Variants in CSMD1 observed in about 807,000 individuals in gnomAD.
CSMD1 encodes CUB and sushi domain-containing protein 1.
CSMD1 carries 213 observed loss-of-function variants against 417.5 expected under a neutral mutation model. The observed-to-expected ratio is 0.51, with a 90% CI of 0.46 to 0.57. The LOEUF (loss-of-function observed/expected upper bound fraction) is 0.57, where lower values mean the gene tolerates loss of function less well. Among genes scored for constraint, CSMD1 ranks in the 20% least tolerant of loss-of-function variants. The pLI is 0.00. For synonymous variants in CSMD1, 2,862 were observed against 1,736.8 expected (o/e 1.65, Z -16.11); for missense variants, 6,923 against 4,529.7 (o/e 1.53, Z -15.17).
At chr8:4,106,051 T>C (rs951926943) in intron 3 of CSMD1, among the ~76,000 whole-genome samples, 1 of 152,184 alleles carries the variant, frequency 6.6e-6, no homozygotes, top group African/African-American at 2.4e-5. Context: ...GGCCAGATTT[T>C]AGGGGTGCCA....
intron 5 of CSMD1, among the ~76,000 whole-genome samples, chr8:3,899,946 T>G (rs1296641830): frequency 2.0e-5 from 3 of 152,230 alleles, no homozygotes; most frequent in Admixed American, 6.5e-5. Context: ...TTAATTCCCA[T>G]GGGAAGGGTA....
intron 1 of CSMD1, among the ~76,000 whole-genome samples, chr8:4,688,257 A>G (rs1254972281): frequency 6.6e-6 from 1 of 152,278 alleles, no homozygotes; most frequent in South Asian, 2.1e-4. Flanking sequence ...ACAAATTTCA[A>G]TATGTATATT....
At chr8:4,627,045 G>C (rs547292326) in intron 2 of CSMD1, among the ~76,000 whole-genome samples, 19 of 152,028 alleles carry the variant, frequency 1.2e-4, no homozygotes, top group Admixed American at 5.9e-4. Context: ...TTTAAATTTT[G>C]GGAATTAAAA....
chr8:3,940,968 A>G (rs150447934), intron 5 of CSMD1, among the ~76,000 whole-genome samples: 132 of 151,776 alleles, frequency 8.7e-4, no homozygotes, highest in African/African-American at 2.9e-3. Flanking sequence ...ATTGTCATTT[A>G]CTTTTCTACT....
At chr8:4,305,596 T>G (rs1291410568) in intron 3 of CSMD1, among the ~76,000 whole-genome samples, 1 of 152,146 alleles carries the variant, frequency 6.6e-6, no homozygotes, top group Non-Finnish European at 1.5e-5. Context: ...AAAATTAACC[T>G]TTCAATACAG....
intron 5 of CSMD1, among the ~76,000 whole-genome samples, chr8:3,811,617 C>A (rs1470729934): frequency 1.3e-5 from 2 of 152,104 alleles, no homozygotes; most frequent in African/African-American, 4.8e-5. Context: ...TCCTTCAGAA[C>A]CCAGGACCAG....
chr8:3,482,206 G>T (rs576917827), intron 11 of CSMD1, among the ~76,000 whole-genome samples: 10 of 152,092 alleles, frequency 6.6e-5, no homozygotes, highest in African/African-American at 2.4e-4. Context: ...AATATAAATG[G>T]TCTAGATATG....
chr8:3,878,714 C>A (rs1248102918), intron 5 of CSMD1, among the ~76,000 whole-genome samples: 1 of 152,184 alleles, frequency 6.6e-6, no homozygotes, highest in East Asian at 1.9e-4. Context: ...TTCAGTGAGA[C>A]ACTGTGTCAT....
At chr8:2,969,680 T>G (rs569433491) in intron 57 of CSMD1, among the ~76,000 whole-genome samples, 1 of 152,340 alleles carries the variant, frequency 6.6e-6, no homozygotes, top group Admixed American at 6.5e-5. Context: ...TTCCTGGAAA[T>G]GCAACCACTG....
intron 2 of CSMD1, among the ~76,000 whole-genome samples, chr8:4,430,427 C>A (rs530729450): frequency 1.1e-4 from 16 of 152,246 alleles, no homozygotes; most frequent in African/African-American, 3.4e-4. Flanking sequence ...TCTACCTTCT[C>A]CCGGGACCCT....
intron 1 of CSMD1, among the ~76,000 whole-genome samples, chr8:4,963,181 C>T (rs1464591454): frequency 6.6e-6 from 1 of 151,982 alleles, no homozygotes; most frequent in Non-Finnish European, 1.5e-5. Flanking sequence ...GCTGTAATCC[C>T]TTCATTCACT....
intron 23 of CSMD1, among the ~76,000 whole-genome samples, chr8:3,335,881 C>G (rs1807230080): frequency 6.6e-6 from 1 of 152,118 alleles, no homozygotes; most frequent in Non-Finnish European, 1.5e-5. Context: ...GATGGAAGTT[C>G]AAAGAGCAGA....
chr8:4,544,706 G>C (rs1049692771), intron 2 of CSMD1, among the ~76,000 whole-genome samples: 1 of 152,156 alleles, frequency 6.6e-6, no homozygotes, highest in African/African-American at 2.4e-5. Flanking sequence ...ATGTATCCTT[G>C]AAAATTCATT....
intron 5 of CSMD1, among the ~76,000 whole-genome samples, chr8:3,946,284 T>C (rs1811218645): frequency 6.6e-6 from 1 of 152,170 alleles, no homozygotes; most frequent in Non-Finnish European, 1.5e-5. Context: ...TAAACTAGTC[T>C]CATCTCCTCA....
intron 3 of CSMD1, among the ~76,000 whole-genome samples, chr8:4,170,153 C>G (rs1315235559): frequency 2.0e-5 from 3 of 151,792 alleles, no homozygotes; most frequent in East Asian, 1.9e-4. Context: ...TTACCCAAAC[C>G]TCCTTGTTGA....
intron 5 of CSMD1, among the ~76,000 whole-genome samples, chr8:3,764,591 T>G (rs933054993): frequency 1.3e-5 from 2 of 152,036 alleles, no homozygotes; most frequent in South Asian, 4.2e-4. Flanking sequence ...AAACTTCTCT[T>G]GGATGGCAGT....
chr8:4,425,300 G>C lies in CSMD1; in HGVS notation c.303-5235C>G, dbSNP rs190399811. 2.1e-3 allele frequency among the ~76,000 whole-genome samples: 320 copies of C among 151,254 alleles called. 3 individuals carry two copies. Among genetic ancestry groups the C allele is most frequent in the Non-Finnish European group, 4.1e-3 (277 of 67,832 alleles). On this transcript the variant is annotated intron_variant, in intron 2 of 69. Transcript: ENST00000635120. ...CAGAGGTTTGGGGTAATTTAATATG[G>C]ACGTATGTAGGGAAAATATATGCAT...
chr8:3,762,094 C>T (rs1314398165), intron 5 of CSMD1, among the ~76,000 whole-genome samples: 1 of 152,132 alleles, frequency 6.6e-6, no homozygotes, highest in Non-Finnish European at 1.5e-5. Context: ...TGAGCCCTCC[C>T]ACTCACTCCA....
intron 5 of CSMD1, among the ~76,000 whole-genome samples, chr8:3,944,527 T>C (rs576092168): frequency 3.3e-4 from 51 of 152,272 alleles, no homozygotes; most frequent in African/African-American, 1.2e-3. Context: ...GTTTGAGTTT[T>C]AATTACCACA....
Sources: allele counts gnomAD v4.1 joint callset (sites outside exome capture counted in the v4.1 genomes callset), GRCh38; gene constraint gnomAD v4.1.1; transcripts MANE v1.5; gene names NCBI Gene and HGNC (gene_info 2026-07-23, HGNC 2026-07-21).